LRRC7: variants seen among roughly 807,000 people sequenced by gnomAD.
The protein encoded by LRRC7 is leucine rich repeat containing 7, also known as leucine-rich repeat-containing protein 7.
In LRRC7, 23 loss-of-function variants were observed where a neutral mutation model predicts 175.7. The observed-to-expected ratio is 0.13, with a 90% CI of 0.09 to 0.19. The LOEUF (loss-of-function observed/expected upper bound fraction) is 0.19, where lower values mean the gene tolerates loss of function less well. Among genes scored for constraint, LRRC7 ranks in the 10% least tolerant of loss-of-function variants. The pLI is 1.00. For missense variants in LRRC7, 1,354 were observed against 1,904.7 expected, an observed-to-expected ratio of 0.71 and a Z score of 5.38; for synonymous variants, 685 against 680.9, an observed-to-expected ratio of 1.01 and a Z score of -0.09.
intron 1 of LRRC7, chr1:69,606,829 T>G (rs57703717): frequency 6.6e-6 from 1 of 152,106 alleles, no homozygotes; most frequent in Admixed American, 6.6e-5. Context: ...GTTAATACTT[T>G]CTTTTTTAGA....
At chr1:70,033,619 T>G (rs1659000567) in intron 18 of LRRC7, among the ~76,000 whole-genome samples, 1 of 152,190 alleles carries the variant, frequency 6.6e-6, no homozygotes, top group African/African-American at 2.4e-5. Context: ...TGTTTTTGAT[T>G]CACAATAGAA....
At chr1:70,061,413 A>G (rs1239510338) in intron 23 of LRRC7, among the ~76,000 whole-genome samples, 4 of 152,084 alleles carry the variant, frequency 2.6e-5, no homozygotes, top group Non-Finnish European at 5.9e-5. Context: ...GTCAAGCAGT[A>G]TAAAGGCTGC....
rs1401590798 is a variant in LRRC7, at chr1:70,126,995, T to A, written c.*5108T>A. Reference sequence around the variant, plus strand: ...TAAGAGACCCTCTTAGAGTGATAGCTGTTCGGAGAGCCTTGAGTATCAACA... The same window carrying A: ...TAAGAGACCCTCTTAGAGTGATAGCAGTTCGGAGAGCCTTGAGTATCAACA... On this transcript the variant is annotated 3_prime_UTR_variant, in exon 27 of 27. Transcript: ENST00000651989. Among the ~76,000 whole-genome samples the A allele has an allele frequency of 6.6e-6, 1 of 152,226 alleles. No individual in the cohort carries two copies. The highest frequency in any genetic ancestry group is 1.5e-5 in the Non-Finnish European group (1 of 68,042).
At chr1:69,915,187 T>A (rs1315820020) in intron 7 of LRRC7, among the ~76,000 whole-genome samples, 3 of 152,118 alleles carry the variant, frequency 2.0e-5, no homozygotes, top group African/African-American at 4.8e-5. Flanking sequence ...TTAAGGGGAA[T>A]GTGACACTAA....
intron 4 of LRRC7, among the ~76,000 whole-genome samples, chr1:69,825,533 A>C (rs746596673): frequency 6.6e-5 from 10 of 151,956 alleles, no homozygotes; most frequent in Non-Finnish European, 8.8e-5. Flanking sequence ...ATTATAAAAT[A>C]TTATTTAACA....
intron 13 of LRRC7, among the ~76,000 whole-genome samples, chr1:70,015,497 T>C (rs955547403): frequency 2.6e-5 from 4 of 152,132 alleles, no homozygotes; most frequent in African/African-American, 9.6e-5. Flanking sequence ...ATATCTAAAA[T>C]GTTTATCTGT....
At chr1:69,791,869 G>A (rs11209544) in intron 3 of LRRC7, among the ~76,000 whole-genome samples, 174 bp from the exon 4 acceptor site, 5,434 of 152,046 alleles carry the variant, frequency 0.036, 333 homozygotes, top group African/African-American at 0.12. Flanking sequence ...CATGGGAATA[G>A]AATGTGAAGC....
intron 8 of LRRC7, among the ~76,000 whole-genome samples, chr1:69,971,777 A>C (rs1369499208): frequency 3.3e-5 from 5 of 152,188 alleles, no homozygotes; most frequent in African/African-American, 1.2e-4. Context: ...ACAATCCTAA[A>C]ATTCATATGG....
At chr1:69,647,731 T>A (rs1417210181) in intron 1 of LRRC7, among the ~76,000 whole-genome samples, 1 of 152,212 alleles carries the variant, frequency 6.6e-6, no homozygotes, top group Non-Finnish European at 1.5e-5. Flanking sequence ...ATATGTATAT[T>A]AAGTATGCAC....
intron 2 of LRRC7, among the ~76,000 whole-genome samples, chr1:69,692,374 T>C (rs561237124): frequency 6.6e-6 from 1 of 152,300 alleles, no homozygotes; most frequent in African/African-American, 2.4e-5. Context: ...GATGAGTGCA[T>C]GATAAGCACC....
chr1:69,880,288 C>T (rs896558551), intron 7 of LRRC7, among the ~76,000 whole-genome samples: 2 of 152,182 alleles, frequency 1.3e-5, no homozygotes, highest in African/African-American at 4.8e-5. Context: ...ATTATTCTCT[C>T]TCGTGGGCTC....
At chr1:70,084,699 A>G (rs1028623047) in intron 24 of LRRC7, among the ~76,000 whole-genome samples, 4 of 152,174 alleles carry the variant, frequency 2.6e-5, no homozygotes, top group Non-Finnish European at 5.9e-5. Context: ...TCATATGGTA[A>G]TTATGTTTAG....
At chr1:69,641,007 A>C (rs1052622358) in intron 1 of LRRC7, among the ~76,000 whole-genome samples, 7 of 151,668 alleles carry the variant, frequency 4.6e-5, no homozygotes, top group African/African-American at 1.4e-4. Context: ...AGGGTCAATA[A>C]AATATTTTTG....
chr1:70,114,065 C>CA (rs1277445585), intron 26 of LRRC7, among the ~76,000 whole-genome samples: 3 of 149,692 alleles, frequency 2.0e-5, no homozygotes, highest in African/African-American at 2.5e-5. Context: ...AAAAATCTTC[C>CA]AAAAAAAAAC....
At chr1:69,837,836 T>A (rs965161546) in intron 6 of LRRC7, among the ~76,000 whole-genome samples, 4 of 145,672 alleles carry the variant, frequency 2.7e-5, no homozygotes, top group Non-Finnish European at 6.1e-5. Flanking sequence ...ATATATATAT[T>A]TCTTTAAAAT....
At chr1:69,771,438 T>C (rs1672232614) in intron 3 of LRRC7, among the ~76,000 whole-genome samples, 1 of 152,180 alleles carries the variant, frequency 6.6e-6, no homozygotes, top group South Asian at 2.1e-4. Flanking sequence ...CAGTCATTTT[T>C]TGAGCAGTTT....
At chr1:69,610,432 C>T (rs535660712) in intron 1 of LRRC7, among the ~76,000 whole-genome samples, 287 of 152,060 alleles carry the variant, frequency 1.9e-3, no homozygotes, top group Non-Finnish European at 3.4e-3. Flanking sequence ...GGCACATGTC[C>T]TTTAGTCTGT....
chr1:69,952,171 T>C (rs1650008789), intron 8 of LRRC7, among the ~76,000 whole-genome samples: 1 of 152,030 alleles, frequency 6.6e-6, no homozygotes, highest in African/African-American at 2.4e-5. Context: ...TAACTAATTA[T>C]TATCACTGTT....
At position 70,126,163 on chromosome 1, in the gene LRRC7, C is replaced by CG. The variant is rs928197335; in HGVS notation, c.*4276_*4277insG. ...TTCTCATCAAGAGGCAAGAATACAACATAACCAGGTCAAAAGCCATACTGA... is the reference window on the plus strand; with the variant it reads ...TTCTCATCAAGAGGCAAGAATACAACGATAACCAGGTCAAAAGCCATACTGA... On this transcript the variant is annotated 3_prime_UTR_variant, in exon 27 of 27. Transcript: ENST00000651989. 2.6e-5 allele frequency among the ~76,000 whole-genome samples: 4 copies of CG among 152,072 alleles called. No homozygotes were observed. The highest frequency in any genetic ancestry group is 4.8e-5 in the African/African-American group (2 of 41,398).
Sources: allele counts gnomAD v4.1 joint callset (sites outside exome capture counted in the v4.1 genomes callset), GRCh38; gene constraint gnomAD v4.1.1; transcripts MANE v1.5; gene names NCBI Gene and HGNC (gene_info 2026-07-23, HGNC 2026-07-21).